Variants in EYS observed in about 807,000 individuals in gnomAD.
EYS encodes the protein EGF-like photoreceptor maintenance factor.
In EYS, 250 loss-of-function variants were observed where a neutral mutation model predicts 282.1. The ratio of observed to expected loss-of-function variants is 0.89; its 90% confidence interval spans 0.80 to 0.98. EYS has a LOEUF of 0.98. EYS is among the 50% of genes least tolerant of loss of function. The probability of loss-of-function intolerance (pLI) is 0.00; values close to 1 mark genes in which losing one functional copy is unlikely to be tolerated. For synonymous variants in EYS, 1,355 were observed against 1,282.9 expected (o/e 1.06, Z -1.20); for missense variants, 4,016 against 3,709.0 (o/e 1.08, Z -2.15).
intron 12 of EYS, among the ~76,000 whole-genome samples, chr6:65,213,196 G>A (rs1766217595): frequency 6.6e-6 from 1 of 152,148 alleles, no homozygotes; most frequent in Non-Finnish European, 1.5e-5. Context: ...TGGAGAGGGT[G>A]CTGCTCATGG....
chr6:64,051,266 T>C (rs568590921), intron 33 of EYS, among the ~76,000 whole-genome samples: 22 of 152,318 alleles, frequency 1.4e-4, no homozygotes, highest in African/African-American at 5.0e-4. Flanking sequence ...TTAGTCCTGC[T>C]TGCATAGAGT....
chr6:65,381,537 T>A (rs1304117139), intron 8 of EYS, among the ~76,000 whole-genome samples: 1 of 151,888 alleles, frequency 6.6e-6, no homozygotes, highest in African/African-American at 2.4e-5. Flanking sequence ...AAAACCTGTA[T>A]GACGGGTTGA....
intron 28 of EYS, among the ~76,000 whole-genome samples, chr6:64,435,456 T>C (rs2150463182): frequency 1.3e-5 from 2 of 150,926 alleles, no homozygotes; most frequent in African/African-American, 4.9e-5. Context: ...TTTTTTTTCC[T>C]TTTTATTGGC....
At chr6:64,567,150 G>GA (rs377115312) in intron 26 of EYS, among the ~76,000 whole-genome samples, 110 of 144,242 alleles carry the variant, frequency 7.6e-4, no homozygotes, top group Admixed American at 2.6e-3. Context: ...AGGACTAAAA[G>GA]AAAAAAAAAA....
chr6:65,546,168 A>G (rs146326761), intron 2 of EYS, among the ~76,000 whole-genome samples: 1 of 148,832 alleles, frequency 6.7e-6, no homozygotes, highest in African/African-American at 2.5e-5. Context: ...ACAGGAGCAC[A>G]TGACTACATC....
chr6:63,927,285 C>A (rs571257276), intron 35 of EYS, among the ~76,000 whole-genome samples: 3 of 152,238 alleles, frequency 2.0e-5, no homozygotes, highest in African/African-American at 7.2e-5. Context: ...TAATAAAAGA[C>A]AAAAATGAGA....
chr6:64,889,470 C>T (rs777889491), intron 18 of EYS, among the ~76,000 whole-genome samples: 2 of 151,750 alleles, frequency 1.3e-5, no homozygotes, highest in Non-Finnish European at 2.9e-5. Flanking sequence ...CCTTTTGAAC[C>T]CTTTGTTAGT....
At chr6:64,857,835 T>C (rs1371747540) in intron 19 of EYS, among the ~76,000 whole-genome samples, 1 of 152,194 alleles carries the variant, frequency 6.6e-6, no homozygotes, top group Non-Finnish European at 1.5e-5. Context: ...GTGGTTTTAA[T>C]TTGCATTTCC....
intron 12 of EYS, among the ~76,000 whole-genome samples, chr6:65,155,506 T>A (rs1764711171): frequency 6.6e-6 from 1 of 151,340 alleles, no homozygotes; most frequent in South Asian, 2.1e-4. Context: ...AAAGGGGGAG[T>A]TTGTAGATTA....
intron 12 of EYS, among the ~76,000 whole-genome samples, chr6:65,234,254 ATT>A (rs1766864591): frequency 6.6e-6 from 1 of 152,076 alleles, no homozygotes; most frequent in Admixed American, 6.6e-5. Context: ...GGAGGGAACC[ATT>A]TTTTCTCAAA....
chr6:64,748,398 A>G (rs1020613734), intron 22 of EYS, among the ~76,000 whole-genome samples: 18 of 152,230 alleles, frequency 1.2e-4, no homozygotes, highest in African/African-American at 4.3e-4. Flanking sequence ...CAGATTGGGC[A>G]TTAGATTCTC....
At chr6:65,486,773 T>C (rs1248218332) in intron 5 of EYS, among the ~76,000 whole-genome samples, 1 of 152,150 alleles carries the variant, frequency 6.6e-6, no homozygotes, top group Non-Finnish European at 1.5e-5. Context: ...TAAAGAATAA[T>C]AAATAGAAAT....
At position 64,083,918 on chromosome 6, in the gene EYS, A is replaced by G. The variant is rs147672890; in HGVS notation, c.6425-1916T>C. ...ATGCCTGGCTAACTTTTGTATTTTT[A>G]GTAGAGACGGGGTTTCACTATGTTG... On this transcript the variant is annotated intron_variant, in intron 31 of 42. Coordinates refer to ENST00000503581, the MANE Select transcript of EYS (RefSeq NM_001142800.2). Among the ~76,000 whole-genome samples, 754 of 152,158 alleles carry G rather than the reference A, an allele frequency of 5.0e-3. 11 individuals are homozygous for G. The highest frequency in any genetic ancestry group is 0.018 in the East Asian group (91 of 5,162).
At chr6:63,799,588 A>G (rs898402482) in intron 37 of EYS, among the ~76,000 whole-genome samples, 23 of 152,232 alleles carry the variant, frequency 1.5e-4, no homozygotes, top group African/African-American at 5.5e-4. Context: ...CAGCACAGGA[A>G]TGATGCAGCT....
intron 22 of EYS, among the ~76,000 whole-genome samples, chr6:64,652,218 T>C (rs537964237): frequency 1.3e-5 from 2 of 152,324 alleles, no homozygotes; most frequent in East Asian, 3.9e-4. Context: ...ACTAATATTA[T>C]GAAATGTCAC....
chr6:65,027,569 A>G (rs1302102443), intron 13 of EYS, among the ~76,000 whole-genome samples: 1 of 152,212 alleles, frequency 6.6e-6, no homozygotes, highest in African/African-American at 2.4e-5. Context: ...AACAATCCCA[A>G]TCTCAACTTT....
At chr6:63,981,967 C>A (rs1767120898) in intron 35 of EYS, among the ~76,000 whole-genome samples, 1 of 151,692 alleles carries the variant, frequency 6.6e-6, no homozygotes, top group Non-Finnish European at 1.5e-5. Context: ...AAATCTAGGA[C>A]TGCTTATATA....
At chr6:64,094,965 G>T (rs150428880) in intron 31 of EYS, among the ~76,000 whole-genome samples, 1 of 152,008 alleles carries the variant, frequency 6.6e-6, no homozygotes, top group Non-Finnish European at 1.5e-5. Context: ...CTTTGTTCTC[G>T]TTGGTTTCAA....
rs573116061 is a variant in EYS, at chr6:65,099,293, G to T, written c.2024-41566C>A. Among the ~76,000 whole-genome samples, 5 of 150,704 alleles carry T rather than the reference G, an allele frequency of 3.3e-5. No homozygotes were observed. In the East Asian group the frequency reaches 9.7e-4, roughly 29 times the overall value. ...AATAAAGAGAGTGTCATCTTAAAAGGTGTTCTAGTGGCAATGGATATTTTG... is the reference window on the plus strand; with the variant it reads ...AATAAAGAGAGTGTCATCTTAAAAGTTGTTCTAGTGGCAATGGATATTTTG... On this transcript the variant is annotated intron_variant, in intron 12 of 42. Coordinates refer to ENST00000503581, the MANE Select transcript of EYS (RefSeq NM_001142800.2).
Sources: gnomAD v4.1 joint callset for allele counts (sites outside exome capture counted in the v4.1 genomes callset) on GRCh38, gnomAD v4.1.1 for gene constraint, MANE v1.5 for transcripts, NCBI Gene and HGNC (gene_info 2026-07-23, HGNC 2026-07-21) for gene names.